Variants in MAN1C1 observed in about 807,000 individuals in gnomAD.
MAN1C1 encodes mannosyl-oligosaccharide 1,2-alpha-mannosidase IC.
Under a neutral mutation model 71.5 loss-of-function variants are expected in MAN1C1, and 49 were observed. The ratio of observed to expected loss-of-function variants is 0.69; its 90% CI spans 0.54 to 0.87. The LOEUF (loss-of-function observed/expected upper bound fraction) is 0.87, where lower values mean the gene tolerates loss of function less well. Among genes scored for constraint, MAN1C1 ranks in the 40% least tolerant of loss-of-function variants. The pLI is 0.00. For synonymous variants in MAN1C1, 352 were observed against 343.7 expected (o/e 1.02, Z -0.27); for missense variants, 743 against 835.0 (o/e 0.89, Z 1.36).
intron 2 of MAN1C1, among the ~76,000 whole-genome samples, chr1:25,699,192 C>T (rs942400801): frequency 6.6e-6 from 1 of 151,474 alleles, no homozygotes; most frequent in East Asian, 2.0e-4. Flanking sequence ...CTCAGCTACT[C>T]AGGAGGCTGA....
At chr1:25,713,202 GCT>G (rs1393125035) in intron 2 of MAN1C1, among the ~76,000 whole-genome samples, 2 of 150,354 alleles carry the variant, frequency 1.3e-5, no homozygotes, top group Admixed American at 6.7e-5. Context: ...TCAGTCCAGT[GCT>G]CTTTCTACTA....
intron 2 of MAN1C1, among the ~76,000 whole-genome samples, chr1:25,708,101 A>G (rs953935501): frequency 3.9e-5 from 6 of 152,274 alleles, no homozygotes; most frequent in African/African-American, 1.2e-4. Context: ...TTATTGAGAA[A>G]GTAAAGGAAT....
chr1:25,640,731 T>G lies in MAN1C1; in HGVS notation c.540+22394T>G, dbSNP rs530680142. ...ATACTGGCATTTTTGTGTGTATAAT[T>G]AAGTGAGGGGTAGAGACCCCACACT... On this transcript the variant is annotated intron_variant, in intron 1 of 11. Coordinates refer to ENST00000374332, the MANE Select transcript of MAN1C1 (RefSeq NM_020379.4). 9.8e-5 allele frequency among the ~76,000 whole-genome samples: 15 copies of G among 152,286 alleles called. No homozygotes were observed. The South Asian group carries it at 3.1e-3, about 32-fold the overall frequency.
chr1:25,686,406 A>G (rs768153966), intron 1 of MAN1C1, 34 bp from the exon 2 acceptor site: 3 of 1,591,628 alleles, frequency 1.9e-6, no homozygotes, highest in Non-Finnish European at 2.6e-6. Flanking sequence ...GAATCGTCAC[A>G]CTGAGGTTCT....
intron 1 of MAN1C1, among the ~76,000 whole-genome samples, chr1:25,678,451 G>A (rs1468333218): frequency 5.3e-5 from 8 of 152,142 alleles, no homozygotes; most frequent in African/African-American, 1.2e-4. Flanking sequence ...CTACTTTACC[G>A]TATTGTCTCA....
chr1:25,752,982 C>T (rs1373746506), intron 4 of MAN1C1, among the ~76,000 whole-genome samples: 1 of 152,184 alleles, frequency 6.6e-6, no homozygotes, highest in East Asian at 1.9e-4. Context: ...ACAGTCTGTC[C>T]GAACGGCACC....
chr1:25,627,576 A>G (rs564893405), intron 1 of MAN1C1, among the ~76,000 whole-genome samples: 1 of 152,196 alleles, frequency 6.6e-6, no homozygotes, highest in Non-Finnish European at 1.5e-5. Flanking sequence ...TGCCCAGCCA[A>G]TCCATGCTTT....
At position 25,685,688 on chromosome 1, in the gene MAN1C1, G is replaced by A. The variant is rs1170548248; in HGVS notation, c.541-752G>A. ...CATAGGAAGAACTTGTGCATACTCT[G>A]GGTGACAGTCCATAGGCATCCATTG... On this transcript the variant is annotated intron_variant, in intron 1 of 11. Coordinates refer to ENST00000374332, the MANE Select transcript of MAN1C1 (RefSeq NM_020379.4). Among the ~76,000 whole-genome samples the A allele has an allele frequency of 6.6e-5, 10 of 152,306 alleles. No individual in the cohort carries two copies. The South Asian group carries it at 2.1e-3, about 32-fold the overall frequency.
intron 5 of MAN1C1, among the ~76,000 whole-genome samples, chr1:25,754,544 G>T (rs1254697259): frequency 1.3e-5 from 2 of 152,012 alleles, no homozygotes; most frequent in Non-Finnish European, 2.9e-5. Flanking sequence ...AGGGAGGGGG[G>T]TGCTCTCGGG....
rs2047519024 is a variant in MAN1C1 at position 25,769,617 on chromosome 1, C to T, written c.1142-2040C>T. On this transcript the variant is annotated intron_variant, in intron 7 of 11. Coordinates refer to ENST00000374332, the MANE Select transcript of MAN1C1 (RefSeq NM_020379.4). The surrounding 1 kb of genome is among the most constrained non-coding windows in gnomAD (Gnocchi z 4.8). The stretch of plus-strand genomic sequence containing the variant: ...GCTTGGCATTCCAGGCCCTTCCTGG[C>T]ACAGCCCAAGCCTCCCATCCCGGCA... Among the ~76,000 whole-genome samples the T allele has an allele frequency of 6.6e-6, 1 of 152,230 alleles. No homozygotes were observed. Among genetic ancestry groups the T allele is most frequent in the Non-Finnish European group, 1.5e-5 (1 of 68,040 alleles).
intron 1 of MAN1C1, among the ~76,000 whole-genome samples, chr1:25,685,943 A>T (rs1187865001): frequency 6.6e-6 from 1 of 152,214 alleles, no homozygotes; most frequent in Non-Finnish European, 1.5e-5. Context: ...GCCAGAGGGG[A>T]TGGCTCAATT....
intron 2 of MAN1C1, among the ~76,000 whole-genome samples, chr1:25,696,388 G>C (rs985672779): frequency 1.3e-5 from 2 of 151,522 alleles, no homozygotes; most frequent in African/African-American, 4.9e-5. Flanking sequence ...ATCGAACCCT[G>C]GTCTTCTAAC....
At chr1:25,771,885 A>C in intron 8 of MAN1C1, 113 bp downstream of exon 8, 1 of 744,868 alleles carries the variant, frequency 1.3e-6, no homozygotes. Flanking sequence ...ACTTGCTCCC[A>C]CCCCCTGCAA....
chr1:25,749,356 C>G, intron 4 of MAN1C1, 21 bp downstream of exon 4: 1 of 1,581,698 alleles, frequency 6.3e-7, no homozygotes, highest in Non-Finnish European at 8.7e-7. Flanking sequence ...CTTTCATGAC[C>G]CCTGAACTGT....
intron 1 of MAN1C1, among the ~76,000 whole-genome samples, chr1:25,624,998 ATTTTTTT>A (rs1032269792): frequency 2.7e-4 from 27 of 101,602 alleles, no homozygotes; most frequent in African/African-American, 7.1e-4. Flanking sequence ...AAATGCACAG[ATTTTTTT>A]TTTTTTTTTT....
intron 4 of MAN1C1, among the ~76,000 whole-genome samples, chr1:25,752,407 T>G (rs1380334317): frequency 6.6e-6 from 1 of 152,128 alleles, no homozygotes; most frequent in Non-Finnish European, 1.5e-5. Flanking sequence ...CCTCAGGTGA[T>G]CCACCTGCTT....
intron 2 of MAN1C1, among the ~76,000 whole-genome samples, chr1:25,690,582 C>T (rs2046295183): frequency 6.6e-6 from 1 of 152,220 alleles, no homozygotes; most frequent in African/African-American, 2.4e-5. Flanking sequence ...TGAGCCACTG[C>T]GCCCGGCGCA....
intron 2 of MAN1C1, among the ~76,000 whole-genome samples, chr1:25,745,153 T>C (rs2047111430): frequency 6.6e-6 from 1 of 152,244 alleles, no homozygotes; most frequent in Non-Finnish European, 1.5e-5. Context: ...ATTACTCTTC[T>C]GTCTGGTTCA....
At chr1:25,662,587 C>G (rs971999164) in intron 1 of MAN1C1, among the ~76,000 whole-genome samples, 1 of 152,154 alleles carries the variant, frequency 6.6e-6, no homozygotes, top group African/African-American at 2.4e-5. Context: ...CACACAAACA[C>G]GGTTCCCTAA....
Sources: allele counts gnomAD v4.1 joint callset (sites outside exome capture counted in the v4.1 genomes callset), GRCh38; gene constraint gnomAD v4.1.1; non-coding constraint Gnocchi (gnomAD v3.1); transcripts MANE v1.5; gene names NCBI Gene and HGNC (gene_info 2026-07-23, HGNC 2026-07-21).